The following RERE variants were observed in gnomAD, a reference collection of about 807,000 sequenced individuals.
RERE encodes the protein arginine-glutamic acid dipeptide repeats protein.
Under a neutral mutation model 146.1 loss-of-function variants are expected in RERE, and 40 were observed. The observed-to-expected ratio is 0.27, with a 90% CI of 0.21 to 0.36. RERE has a LOEUF of 0.36. Ranked by LOEUF, RERE falls within the 10% of genes least tolerant of loss-of-function variation. RERE has a pLI of 1.00. For missense variants in RERE, 1,933 were observed against 2,138.7 expected (o/e 0.90, Z 1.90); for synonymous variants, 1,003 against 866.0 (o/e 1.16, Z -2.78).
rs1365507205 is a variant in RERE at position 8,387,284 on chromosome 1, A to G, written c.1285-21310T>C. Among the ~76,000 whole-genome samples, 4 of 152,322 alleles carry G rather than the reference A, an allele frequency of 2.6e-5. No individual in the cohort carries two copies. The East Asian group carries it at 7.7e-4, about 29-fold the overall frequency. On this transcript the variant is annotated intron_variant, in intron 12 of 22. Transcript: ENST00000400908. ...TGGTGATGTATTACAGAAACAAGTAAATCTGGTCTCTTTCTTTATGCTACA... is the reference window on the plus strand; with the variant it reads ...TGGTGATGTATTACAGAAACAAGTAGATCTGGTCTCTTTCTTTATGCTACA...
chr1:8,363,653 CG>C (rs143989912), intron 15 of RERE: 2,683 of 207,364 alleles, frequency 0.013, 27 homozygotes, highest in Non-Finnish European at 0.019. Flanking sequence ...AAAAATGTAT[CG>C]GAAGTTTCCA....
intron 1 of RERE, among the ~76,000 whole-genome samples, chr1:8,746,661 T>C (rs1569698872): frequency 6.6e-6 from 1 of 151,970 alleles, no homozygotes; most frequent in Non-Finnish European, 1.5e-5. Flanking sequence ...TATACTGACA[T>C]ACGAGTCATG....
At chr1:8,486,215 A>C (rs1570318994) in intron 10 of RERE, among the ~76,000 whole-genome samples, 1 of 152,336 alleles carries the variant, frequency 6.6e-6, no homozygotes, top group East Asian at 1.9e-4. Flanking sequence ...ACTGCATAAC[A>C]GCACACCCAG....
intron 2 of RERE, among the ~76,000 whole-genome samples, chr1:8,643,757 C>T (rs903379381): frequency 3.9e-5 from 6 of 152,130 alleles, no homozygotes; most frequent in Non-Finnish European, 8.8e-5. Context: ...ATAATGTTAG[C>T]GTGTGCCTCT....
intron 18 of RERE, 42 bp downstream of exon 18, chr1:8,360,070 C>T (rs1490002292): frequency 3.2e-6 from 5 of 1,583,472 alleles, no homozygotes; most frequent in Non-Finnish European, 4.3e-6. Context: ...CCCCCACCAG[C>T]CCACCTGTGC....
chr1:8,609,570 G>A (rs1300449205), intron 4 of RERE, among the ~76,000 whole-genome samples: 1 of 152,050 alleles, frequency 6.6e-6, no homozygotes, highest in Non-Finnish European at 1.5e-5. Context: ...ACTTAATGGG[G>A]AGTATGCCAA....
chr1:8,481,773 C>A (rs1188469277), intron 10 of RERE, among the ~76,000 whole-genome samples: 5 of 152,102 alleles, frequency 3.3e-5, no homozygotes, highest in Non-Finnish European at 7.4e-5. Context: ...AATGGCTTAT[C>A]AAAAGCACAT....
intron 1 of RERE, among the ~76,000 whole-genome samples, chr1:8,754,479 C>G (rs374772819): frequency 7.9e-5 from 12 of 152,274 alleles, no homozygotes; most frequent in African/African-American, 2.9e-4. Context: ...TTGTTCTTGC[C>G]TTAGCACATG....
intron 4 of RERE, among the ~76,000 whole-genome samples, chr1:8,594,460 T>C (rs1253672817): frequency 6.6e-6 from 1 of 152,160 alleles, no homozygotes; most frequent in African/African-American, 2.4e-5. Context: ...ATGGCTACAG[T>C]GAGAATGTAC....
intron 7 of RERE, among the ~76,000 whole-genome samples, chr1:8,528,304 GAC>G (rs1260456276): frequency 6.6e-6 from 1 of 152,160 alleles, no homozygotes; most frequent in Non-Finnish European, 1.5e-5. Flanking sequence ...ATATTAAAGA[GAC>G]ACAACAATTA....
At position 8,763,956 on chromosome 1, in the gene RERE, G is replaced by T. The variant is rs145242265; in HGVS notation, c.-145+53204C>A. On this transcript the variant is annotated intron_variant, in intron 1 of 22. Transcript: ENST00000400908. Reference sequence around the variant, plus strand: ...CTCCGTCTAAAAAAAAAAAAAAAAAGTCCCTCCTATAATTCAGGAAGTGAA... The same window carrying T: ...CTCCGTCTAAAAAAAAAAAAAAAAATTCCCTCCTATAATTCAGGAAGTGAA... Among the ~76,000 whole-genome samples the T allele has an allele frequency of 7.4e-4, 105 of 142,688 alleles. No individual in the cohort carries two copies. In the East Asian group the frequency reaches 0.02, roughly 28 times the overall value. The allele number at this position is 142,688 out of a possible 152,430, so 93.6% of individuals were successfully genotyped here.
chr1:8,489,381 A>T (rs1264031107), intron 10 of RERE, among the ~76,000 whole-genome samples: 5 of 151,924 alleles, frequency 3.3e-5, no homozygotes, highest in South Asian at 2.1e-4. Context: ...GGAAAAAAAA[A>T]TTTTTTTAAA....
chr1:8,723,461 G>T (rs1557503889), intron 1 of RERE, among the ~76,000 whole-genome samples: 3 of 150,726 alleles, frequency 2.0e-5, no homozygotes, highest in Non-Finnish European at 3.0e-5. Flanking sequence ...ACTAATCATT[G>T]TTTTTTTTTC....
chr1:8,727,534 G>A (rs1348891447), intron 1 of RERE, among the ~76,000 whole-genome samples: 2 of 150,438 alleles, frequency 1.3e-5, no homozygotes, highest in East Asian at 4.0e-4. Flanking sequence ...TCGCTCTGTC[G>A]CCAGGCTGTT....
chr1:8,499,203 T>C (rs920968804), intron 8 of RERE, among the ~76,000 whole-genome samples: 1 of 152,242 alleles, frequency 6.6e-6, no homozygotes, highest in African/African-American at 2.4e-5. Context: ...TAGAGCTCCA[T>C]GGGACATGAA....
chr1:8,781,948 T>TC (rs1327988450), intron 1 of RERE, among the ~76,000 whole-genome samples: 1 of 152,160 alleles, frequency 6.6e-6, no homozygotes, highest in Non-Finnish European at 1.5e-5. Context: ...GACCCATTAA[T>TC]CCCCTGAAAT....
At chr1:8,749,017 G>C (rs990813171) in intron 1 of RERE, among the ~76,000 whole-genome samples, 4 of 152,116 alleles carry the variant, frequency 2.6e-5, no homozygotes, top group Non-Finnish European at 5.9e-5. Context: ...TGTGTGTCAG[G>C]TACTGTTTTA....
chr1:8,360,966 G>A lies in RERE; in HGVS notation c.2541C>T (p.His847=), dbSNP rs543718005. ...SAPSHAQPPL[H]GQGPPGPHSL... ...TGTGAGGGCCGGGTGGGCCCTGACC[G>A]TGCAGTGGGGGCTGGGCATGAGAGG... Residue 847 remains histidine, a synonymous_variant, in exon 18 of 23, where the codon CAC becomes CAT. Transcript: ENST00000400908. The A allele has an allele frequency of 2.1e-5, 30 of 1,447,388 alleles. No individual in the cohort carries two copies. The highest frequency in any genetic ancestry group is 4.0e-4 in the Middle Eastern group (2 of 4,976). 89.7% of individuals were successfully genotyped at this position (1,447,388 alleles called of 1,614,324 possible). A position where few individuals can be genotyped will look rare whatever the true frequency, so the allele number is the denominator to read the frequency against.
chr1:8,671,809 T>C (rs563984795), intron 1 of RERE, among the ~76,000 whole-genome samples: 1 of 152,220 alleles, frequency 6.6e-6, no homozygotes, highest in East Asian at 1.9e-4. Flanking sequence ...TACCACAATT[T>C]GAATCCGAAA....
Sources: gnomAD v4.1 joint callset for allele counts (sites outside exome capture counted in the v4.1 genomes callset) on GRCh38, gnomAD v4.1.1 for gene constraint, MANE v1.5 for transcripts, NCBI Gene and HGNC (gene_info 2026-07-23, HGNC 2026-07-21) for gene names.